Variants in LSAMP observed in about 807,000 individuals in gnomAD.
LSAMP encodes the protein limbic system associated membrane protein, also known as limbic system-associated membrane protein.
LSAMP carries 7 observed loss-of-function variants against 38.6 expected under a neutral mutation model. That is an observed-to-expected ratio of 0.18 (90% CI 0.10 to 0.34). LSAMP has a LOEUF of 0.34. Among genes scored for constraint, LSAMP ranks in the 10% least tolerant of loss-of-function variants. The probability of loss-of-function intolerance (pLI) is 1.00; values close to 1 mark genes in which losing one functional copy is unlikely to be tolerated. For missense variants in LSAMP, 313 were observed against 420.0 expected (o/e 0.75, Z 2.23); for synonymous variants, 154 against 166.8 (o/e 0.92, Z 0.59).
chr3:116,272,134 T>C (rs2046982318), intron 1 of LSAMP, among the ~76,000 whole-genome samples: 1 of 150,634 alleles, frequency 6.6e-6, no homozygotes, highest in African/African-American at 2.5e-5. Flanking sequence ...TAAATTACAG[T>C]TCCATAAACA....
chr3:116,180,326 T>C (rs1484304062), intron 1 of LSAMP, among the ~76,000 whole-genome samples: 1 of 152,012 alleles, frequency 6.6e-6, no homozygotes, highest in Non-Finnish European at 1.5e-5. Context: ...GCAATGAGAG[T>C]TCATTACCTG....
At chr3:116,089,347 T>C (rs1299416293) in intron 1 of LSAMP, among the ~76,000 whole-genome samples, 1 of 152,174 alleles carries the variant, frequency 6.6e-6, no homozygotes, top group Non-Finnish European at 1.5e-5. Flanking sequence ...AGAATACACA[T>C]ATACTTTTTT....
chr3:115,940,256 G>A (rs1259699889), intron 3 of LSAMP, among the ~76,000 whole-genome samples: 1 of 152,090 alleles, frequency 6.6e-6, no homozygotes, highest in Non-Finnish European at 1.5e-5. Context: ...ACCCTAGTGG[G>A]TTGCCACTGC....
intron 2 of LSAMP, among the ~76,000 whole-genome samples, chr3:116,039,695 C>G (rs1239031928): frequency 6.6e-6 from 1 of 152,188 alleles, no homozygotes; most frequent in Non-Finnish European, 1.5e-5. Context: ...AAGCCTCTAT[C>G]TAACAGTCCT....
At chr3:116,145,709 A>G (rs1709475724) in intron 1 of LSAMP, among the ~76,000 whole-genome samples, 1 of 151,956 alleles carries the variant, frequency 6.6e-6, no homozygotes. Flanking sequence ...TGTATCTTTT[A>G]TAGAATATAT....
At position 115,806,681 on chromosome 3, in the gene LSAMP, A is replaced by G. The variant is rs1424246214; in HGVS notation, c.*3636T>C. 6.6e-6 allele frequency: 1 copy of G among 152,176 alleles called. No homozygotes were observed. The highest frequency in any genetic ancestry group is 1.5e-5 in the Non-Finnish European group (1 of 68,048). 9.4% of individuals were successfully genotyped at this position (152,176 alleles called of 1,614,324 possible). ...TAAAAAAATGCCCATGGCAAGCGAG[A>G]AGTCTGTCTGACTTGGAAGAGAAGG... On this transcript the variant is annotated 3_prime_UTR_variant, in exon 7 of 7. Coordinates refer to ENST00000490035, the MANE Select transcript of LSAMP (RefSeq NM_002338.5).
intron 1 of LSAMP, among the ~76,000 whole-genome samples, chr3:116,360,278 C>A (rs1225975620): frequency 3.1e-5 from 3 of 96,980 alleles, no homozygotes; most frequent in Non-Finnish European, 6.3e-5. Context: ...GTCACTCCCA[C>A]CCGAATATTG....
intron 1 of LSAMP, among the ~76,000 whole-genome samples, chr3:116,394,996 C>G (rs2048750040): frequency 6.6e-6 from 1 of 152,160 alleles, no homozygotes; most frequent in South Asian, 2.1e-4. Flanking sequence ...ACAAGGCAGG[C>G]CATCTCTGTG....
chr3:115,818,837 A>G (rs553582526), intron 6 of LSAMP, among the ~76,000 whole-genome samples: 1 of 74,518 alleles, frequency 1.3e-5, no homozygotes, highest in African/African-American at 4.0e-5. Context: ...CAGCAACATG[A>G]TGAACAAACA....
intron 1 of LSAMP, among the ~76,000 whole-genome samples, chr3:116,353,295 C>A (rs1476849265): frequency 6.6e-6 from 1 of 152,074 alleles, no homozygotes; most frequent in East Asian, 1.9e-4. Context: ...TTCGTCTACT[C>A]TTTTAGTGAA....
chr3:116,191,085 T>A (rs979342673), intron 1 of LSAMP, among the ~76,000 whole-genome samples: 14 of 152,106 alleles, frequency 9.2e-5, no homozygotes, highest in African/African-American at 3.1e-4. Flanking sequence ...TAGCCCGGCG[T>A]GGTGACTCGT....
intron 1 of LSAMP, among the ~76,000 whole-genome samples, chr3:116,271,814 A>G (rs1334322009): frequency 6.6e-6 from 1 of 152,104 alleles, no homozygotes; most frequent in Non-Finnish European, 1.5e-5. Context: ...CAGTAATCCA[A>G]TAATATGCAA....
chr3:116,150,735 GAGGAC>G (rs1433789759), intron 1 of LSAMP, among the ~76,000 whole-genome samples: 5 of 152,054 alleles, frequency 3.3e-5, no homozygotes, highest in African/African-American at 1.2e-4. Context: ...TGCCCTATGA[GAGGAC>G]AAGCAGTTTT....
chr3:116,132,746 A>G (rs1233466150), intron 1 of LSAMP, among the ~76,000 whole-genome samples: 1 of 152,196 alleles, frequency 6.6e-6, no homozygotes, highest in Non-Finnish European at 1.5e-5. Flanking sequence ...ATAACTTTTA[A>G]ATTTTTAAAC....
Position 116,131,515 on chromosome 3 carries a change from C to T in LSAMP, c.156-44959G>A, listed in dbSNP as rs1027062058. 5.9e-5 allele frequency among the ~76,000 whole-genome samples: 9 copies of T among 151,954 alleles called. No individual in the cohort carries two copies. The South Asian group carries it at 1.7e-3, about 28-fold the overall frequency. On this transcript the variant is annotated intron_variant, in intron 1 of 6. Coordinates refer to ENST00000490035, the MANE Select transcript of LSAMP (RefSeq NM_002338.5). ...CTCTTCCCCCAAGGGACTTAAAGCC[C>T]AGAAGATGCAAGGCCTGGAGCTTCT... is the stretch of plus-strand genomic sequence containing the variant.
At chr3:116,351,604 C>T (rs187121008) in intron 1 of LSAMP, among the ~76,000 whole-genome samples, 8 of 152,126 alleles carry the variant, frequency 5.3e-5, no homozygotes, top group Admixed American at 5.2e-4. Flanking sequence ...AGACTCTTCC[C>T]AATAATTATA....
intron 1 of LSAMP, among the ~76,000 whole-genome samples, chr3:116,417,401 C>T (rs2049066132): frequency 2.0e-5 from 3 of 152,164 alleles, no homozygotes; most frequent in Admixed American, 2.0e-4. Flanking sequence ...GATGGCTAAA[C>T]CAGAGTGAGA....
intron 1 of LSAMP, among the ~76,000 whole-genome samples, chr3:116,424,671 A>G (rs535558132): frequency 6.6e-6 from 1 of 152,306 alleles, no homozygotes; most frequent in East Asian, 1.9e-4. Flanking sequence ...ATACCACATT[A>G]CTTACCCAAT....
intron 1 of LSAMP, among the ~76,000 whole-genome samples, chr3:116,163,377 C>T (rs1709948200): frequency 6.6e-6 from 1 of 151,922 alleles, no homozygotes; most frequent in African/African-American, 2.4e-5. Flanking sequence ...TTTCCAGCTT[C>T]ATCCAAGTCC....
Sources: gnomAD v4.1 joint callset for allele counts (sites outside exome capture counted in the v4.1 genomes callset) on GRCh38, gnomAD v4.1.1 for gene constraint, MANE v1.5 for transcripts, NCBI Gene and HGNC (gene_info 2026-07-23, HGNC 2026-07-21) for gene names.